The following TCF25 variants were observed in gnomAD, a reference collection of about 807,000 sequenced individuals.
The protein encoded by TCF25 is ribosome quality control complex subunit TCF25.
In TCF25, 41 loss-of-function variants were observed where a neutral mutation model predicts 83.1. The observed-to-expected ratio is 0.49, with a 90% CI of 0.38 to 0.64. The LOEUF is 0.64. Among genes scored for constraint, TCF25 ranks in the 30% least tolerant of loss-of-function variants. TCF25 has a pLI of 0.00. For synonymous variants in TCF25, 458 were observed against 365.0 expected (o/e 1.25, Z -2.90); for missense variants, 979 against 914.5 (o/e 1.07, Z -0.91).
intron 1 of TCF25, among the ~76,000 whole-genome samples, chr16:89,876,261 T>C (rs2042181527): frequency 1.3e-5 from 2 of 152,302 alleles, no homozygotes; most frequent in Middle Eastern, 3.4e-3. Context: ...ATTCCATACT[T>C]TTTTGCTCTT....
intron 5 of TCF25, among the ~76,000 whole-genome samples, chr16:89,888,596 A>G (rs996171825): frequency 3.3e-5 from 5 of 152,074 alleles, no homozygotes; most frequent in Non-Finnish European, 5.9e-5. Context: ...CTCAAAAAAA[A>G]AAAAAAGATT....
At chr16:89,898,928 G>T in intron 11 of TCF25, 56 bp downstream of exon 11, 2 of 1,550,772 alleles carry the variant, frequency 1.3e-6, no homozygotes, top group Non-Finnish European at 1.8e-6. Context: ...TTCTCCTTCT[G>T]TTTTCTTGGT....
chr16:89,878,368 C>G (rs551661141), intron 1 of TCF25: 8 of 1,143,004 alleles, frequency 7.0e-6, no homozygotes, highest in Non-Finnish European at 8.8e-6. Flanking sequence ...GGTGGACCAC[C>G]TGAGGTCAGG....
chr16:89,885,041 C>T (rs1288322193), intron 3 of TCF25, among the ~76,000 whole-genome samples: 1 of 117,354 alleles, frequency 8.5e-6, no homozygotes. Flanking sequence ...CTCTGCCTGA[C>T]GCCCCTCTCC....
intron 1 of TCF25, among the ~76,000 whole-genome samples, chr16:89,883,107 CAG>C (rs2042728516): frequency 6.6e-6 from 1 of 152,124 alleles, no homozygotes; most frequent in African/African-American, 2.4e-5. Context: ...TCTCTGAAGG[CAG>C]AGATACCCCA....
chr16:89,901,463 C>CTCCGA (rs1567729257), intron 12 of TCF25, among the ~76,000 whole-genome samples: 43 of 146,918 alleles, frequency 2.9e-4, no homozygotes, highest in East Asian at 6.7e-4. Flanking sequence ...GACGGGCCTC[C>CTCCGA]GGCCGGGCGC....
At chr16:89,885,797 A>G in intron 3 of TCF25, 51 bp from the exon 4 acceptor site, 2 of 1,413,822 alleles carry the variant, frequency 1.4e-6, no homozygotes, top group Non-Finnish European at 2.0e-6. Context: ...TTGTTACAAT[A>G]TTTAAAATAA....
intron 1 of TCF25, chr16:89,878,679 C>T (rs544976532): frequency 2.2e-5 from 23 of 1,054,102 alleles, no homozygotes; most frequent in East Asian, 1.9e-4. Context: ...CTTGCGCTGT[C>T]GCCCAGGCTG....
intron 17 of TCF25, among the ~76,000 whole-genome samples, chr16:89,910,865 C>G (rs1057455478): frequency 6.6e-6 from 1 of 152,234 alleles, no homozygotes; most frequent in East Asian, 1.9e-4. Context: ...GATGCAGGGC[C>G]GTGAGTCAGC....
chr16:89,900,883 G>C (rs763474742), intron 12 of TCF25, 89 bp downstream of exon 12: 1 of 1,347,340 alleles, frequency 7.4e-7, no homozygotes, highest in Non-Finnish European at 9.8e-7. Flanking sequence ...CCAGGTCCCA[G>C]TCCTTCCCCA....
At chr16:89,891,247 C>A (rs1312469205) in intron 5 of TCF25, among the ~76,000 whole-genome samples, 1 of 152,214 alleles carries the variant, frequency 6.6e-6, no homozygotes, top group Non-Finnish European at 1.5e-5. Context: ...CAGGTCAGGC[C>A]ATCCCTGGGA....
In TCF25 at chr16:89,887,713, C is replaced by G. The variant is rs762233341; in HGVS notation, c.610C>G (p.Gln204Glu). 1 of 1,587,374 alleles carries G rather than the reference C, an allele frequency of 6.3e-7. No individual in the cohort carries two copies. The highest frequency in any genetic ancestry group is 8.5e-7 in the Non-Finnish European group (1 of 1,170,764). The change falls in exon 5 of 18, where the codon CAA becomes GAA. Residue 204 changes from glutamine (Q) to glutamate (E), a missense_variant. Coordinates refer to ENST00000263346, the MANE Select transcript of TCF25 (RefSeq NM_014972.3). ...TGGTGCCCGGGCAATCCTGGGGGAG[C>G]AAAGGTAAGGTCCACAGTGAGCTGC... ...YFGARAILGE[Q>E]RPRQRQRVYP...
Position 89,883,453 on chromosome 16 carries a change from C to T in TCF25, c.295C>T (p.Arg99Cys), listed in dbSNP as rs375380144. The change falls in exon 2 of 18, where the codon CGT becomes TGT. Residue 99 changes from arginine to cysteine, a missense_variant. Coordinates refer to ENST00000263346, the MANE Select transcript of TCF25 (RefSeq NM_014972.3). ...ACCAGGGAACAAAGGAAGGGGTCAG[C>T]GTGGAAACACAGAGAGCAAGACGGA... Reference protein sequence around the residue: ...VAPGNKGRGQRGNTESKTDGD... With the variant: ...VAPGNKGRGQCGNTESKTDGD... 27 of 1,613,776 alleles carry T rather than the reference C, an allele frequency of 1.7e-5. No homozygotes were observed. Among genetic ancestry groups the T allele is most frequent in the South Asian group, 1.6e-4 (15 of 91,064 alleles).
At chr16:89,873,960 G>A (rs1280938906) in intron 1 of TCF25, 101 bp downstream of exon 1, 3 of 1,362,254 alleles carry the variant, frequency 2.2e-6, no homozygotes, top group African/African-American at 1.5e-5. Flanking sequence ...TGATGCCAGG[G>A]GTGGGAAGGG....
chr16:89,890,202 C>G (rs901184963), intron 5 of TCF25: 1 of 152,534 alleles, frequency 6.6e-6, no homozygotes, highest in African/African-American at 2.4e-5. Context: ...GCGTGAGCCA[C>G]CACACCCAGC....
intron 1 of TCF25, among the ~76,000 whole-genome samples, chr16:89,880,186 C>T (rs2042506624): frequency 6.6e-6 from 1 of 152,030 alleles, no homozygotes; most frequent in South Asian, 2.1e-4. Context: ...GGCTCCTTTC[C>T]ATTGAAGTTC....
chr16:89,884,238 G>C (rs931721172), intron 2 of TCF25, among the ~76,000 whole-genome samples: 16 of 152,194 alleles, frequency 1.1e-4, no homozygotes, highest in Admixed American at 1.0e-3. Context: ...CAGGTGCGGT[G>C]TGAGGCGGCC....
At chr16:89,881,581 G>A (rs1410805817) in intron 1 of TCF25, among the ~76,000 whole-genome samples, 1 of 151,990 alleles carries the variant, frequency 6.6e-6, no homozygotes, top group African/African-American at 2.4e-5. Flanking sequence ...CGCCTGAGTA[G>A]CTGGGACTCA....
intron 11 of TCF25, 106 bp from the exon 12 acceptor site, chr16:89,900,529 T>G: frequency 7.5e-7 from 1 of 1,333,482 alleles, no homozygotes; most frequent in Non-Finnish European, 1.0e-6. Flanking sequence ...CTGCAGAATA[T>G]ACCTGCTCGG....
Sources: gnomAD v4.1 joint callset for allele counts (sites outside exome capture counted in the v4.1 genomes callset) on GRCh38, gnomAD v4.1.1 for gene constraint, MANE v1.5 for transcripts, NCBI Gene and HGNC (gene_info 2026-07-23, HGNC 2026-07-21) for gene names.